The following LHFPL6 variants were observed in gnomAD, a reference collection of about 807,000 sequenced individuals.
The protein encoded by LHFPL6 is LHFPL tetraspan subfamily member 6 protein.
LHFPL6 carries 9 observed loss-of-function variants against 20.6 expected under a neutral mutation model. The ratio of observed to expected loss-of-function variants is 0.44; its 90% confidence interval spans 0.26 to 0.76. LHFPL6 has a LOEUF of 0.76. Ranked by LOEUF, LHFPL6 falls within the 30% of genes least tolerant of loss-of-function variation. The pLI, the probability that LHFPL6 is intolerant of heterozygous loss-of-function variation, is 0.20. For synonymous variants in LHFPL6, 105 were observed against 98.7 expected (o/e 1.06, Z -0.38); for missense variants, 218 against 253.5 (o/e 0.86, Z 0.95).
chr13:39,357,705 T>C (rs916942584), intron 3 of LHFPL6, among the ~76,000 whole-genome samples: 7 of 152,128 alleles, frequency 4.6e-5, no homozygotes, highest in African/African-American at 1.2e-4. Context: ...ACACCAATCA[T>C]ATTCAAGTTG....
intron 2 of LHFPL6, among the ~76,000 whole-genome samples, chr13:39,528,291 C>G (rs1391464867): frequency 6.6e-6 from 1 of 152,160 alleles, no homozygotes; most frequent in Non-Finnish European, 1.5e-5. Context: ...ACTGTCCACT[C>G]CTCAACTCTA....
At chr13:39,364,922 T>G (rs1317046391) in intron 3 of LHFPL6, among the ~76,000 whole-genome samples, 1 of 152,184 alleles carries the variant, frequency 6.6e-6, no homozygotes, top group African/African-American at 2.4e-5. Context: ...TTAGAGATGA[T>G]GTACTGTTAA....
At chr13:39,417,970 T>C (rs1286249509) in intron 2 of LHFPL6, among the ~76,000 whole-genome samples, 2 of 152,150 alleles carry the variant, frequency 1.3e-5, no homozygotes, top group Non-Finnish European at 1.5e-5. Flanking sequence ...GAAAGAGTGT[T>C]AGTCTTGTGT....
At chr13:39,346,359 A>G (rs1486469795) in intron 3 of LHFPL6, among the ~76,000 whole-genome samples, 1 of 152,140 alleles carries the variant, frequency 6.6e-6, no homozygotes, top group Non-Finnish European at 1.5e-5. Flanking sequence ...TCCACATCCA[A>G]TGAATAATTA....
At chr13:39,432,899 T>A (rs1871854340) in intron 2 of LHFPL6, among the ~76,000 whole-genome samples, 1 of 151,886 alleles carries the variant, frequency 6.6e-6, no homozygotes, top group Non-Finnish European at 1.5e-5. Flanking sequence ...AACATTTTTG[T>A]TATACCCCAA....
At chr13:39,380,481 T>C (rs1227207808) in intron 2 of LHFPL6, among the ~76,000 whole-genome samples, 1 of 151,214 alleles carries the variant, frequency 6.6e-6, no homozygotes, top group African/African-American at 2.4e-5. Context: ...ACATGAGCTC[T>C]GCCTCCTGTC....
intron 2 of LHFPL6, among the ~76,000 whole-genome samples, chr13:39,392,310 A>T (rs1228024166): frequency 6.6e-6 from 1 of 152,174 alleles, no homozygotes; most frequent in Admixed American, 6.5e-5. Flanking sequence ...AATCGGTAAA[A>T]GTGGCCGGGC....
chr13:39,378,551 C>T (rs946076600), intron 2 of LHFPL6, 25 bp from the exon 3 acceptor site: 5 of 1,554,784 alleles, frequency 3.2e-6, no homozygotes, highest in Non-Finnish European at 4.4e-6. Flanking sequence ...GACAAGAGGG[C>T]TTTACCAGTG....
At chr13:39,594,638 A>T (rs1195008169) in intron 2 of LHFPL6, among the ~76,000 whole-genome samples, 1 of 152,218 alleles carries the variant, frequency 6.6e-6, no homozygotes, top group Non-Finnish European at 1.5e-5. Context: ...AAGGATTATA[A>T]AACATGCTGC....
intron 2 of LHFPL6, among the ~76,000 whole-genome samples, chr13:39,397,906 T>TTGTG (rs146494686): frequency 2.9e-4 from 43 of 149,984 alleles, no homozygotes; most frequent in African/African-American, 8.4e-4. Context: ...AAGTCAGACT[T>TTGTG]TGTGTGTGTG....
At chr13:39,470,167 C>G (rs530263646) in intron 2 of LHFPL6, among the ~76,000 whole-genome samples, 3 of 152,130 alleles carry the variant, frequency 2.0e-5, no homozygotes, top group Non-Finnish European at 4.4e-5. Flanking sequence ...TTTGGTAAAA[C>G]CTTTGCTAAA....
intron 2 of LHFPL6, among the ~76,000 whole-genome samples, chr13:39,563,388 A>G (rs1329545646): frequency 6.6e-6 from 1 of 152,182 alleles, no homozygotes; most frequent in Non-Finnish European, 1.5e-5. Flanking sequence ...GAAACAAAAT[A>G]GAGAGATACA....
intron 2 of LHFPL6, among the ~76,000 whole-genome samples, chr13:39,485,480 T>C (rs570825254): frequency 1.1e-4 from 16 of 152,262 alleles, no homozygotes; most frequent in African/African-American, 3.1e-4. Flanking sequence ...GGGAAAGAAA[T>C]AGAAGGAAGA....
chr13:39,491,792 T>C (rs1038531841), intron 2 of LHFPL6, among the ~76,000 whole-genome samples: 1 of 152,214 alleles, frequency 6.6e-6, no homozygotes, highest in African/African-American at 2.4e-5. Context: ...AAGTAAATTT[T>C]TAATTTTATT....
chr13:39,585,404 A>G (rs1004681188), intron 2 of LHFPL6, among the ~76,000 whole-genome samples: 4 of 152,250 alleles, frequency 2.6e-5, no homozygotes, highest in Admixed American at 6.5e-5. Context: ...CACGGCCTTC[A>G]ATGCAATTGG....
At chr13:39,436,558 T>C (rs748414891) in intron 2 of LHFPL6, among the ~76,000 whole-genome samples, 9 of 152,218 alleles carry the variant, frequency 5.9e-5, no homozygotes, top group Non-Finnish European at 1.3e-4. Context: ...TTCTTCTCCA[T>C]AGCCCCTGTC....
intron 2 of LHFPL6, among the ~76,000 whole-genome samples, chr13:39,465,511 C>T (rs1872781920): frequency 6.6e-6 from 1 of 152,080 alleles, no homozygotes. Flanking sequence ...AATTAGACTC[C>T]CACCGTCTTC....
intron 2 of LHFPL6, among the ~76,000 whole-genome samples, chr13:39,519,106 A>G (rs894677510): frequency 1.3e-5 from 2 of 152,072 alleles, no homozygotes; most frequent in African/African-American, 4.8e-5. Context: ...CGTGGTGGTG[A>G]GCGCCTGTAA....
intron 2 of LHFPL6, among the ~76,000 whole-genome samples, chr13:39,511,274 AAC>A (rs1352790241): frequency 6.6e-6 from 1 of 152,178 alleles, no homozygotes. Context: ...TTCAAATCTT[AAC>A]ATTTTGTCAA....
Sources: gnomAD v4.1 joint callset for allele counts (sites outside exome capture counted in the v4.1 genomes callset) on GRCh38, gnomAD v4.1.1 for gene constraint, MANE v1.5 for transcripts, NCBI Gene and HGNC (gene_info 2026-07-23, HGNC 2026-07-21) for gene names.